Variants in SPAST observed in about 807,000 individuals in gnomAD.
SPAST encodes the protein spastin, also known as spastic paraplegia 4 (autosomal dominant; spastin).
A neutral mutation model predicts 76.6 loss-of-function variants in SPAST; 30 were observed. The observed-to-expected ratio is 0.39, with a 90% CI of 0.29 to 0.53. The LOEUF (loss-of-function observed/expected upper bound fraction) is 0.53. Ranked by LOEUF, SPAST falls within the 20% of genes least tolerant of loss-of-function variation. The pLI is 0.68. For missense variants in SPAST, 717 were observed against 770.5 expected, an observed-to-expected ratio of 0.93 and a Z score of 0.82; for synonymous variants, 305 against 281.0, an observed-to-expected ratio of 1.09 and a Z score of -0.86.
At chr2:32,096,731 TATTA>T (rs940999466) in intron 3 of SPAST, among the ~76,000 whole-genome samples, 7 of 152,076 alleles carry the variant, frequency 4.6e-5, no homozygotes, top group Non-Finnish European at 7.4e-5. Context: ...TTGAGGGGAG[TATTA>T]ATTCACATTT....
intron 7 of SPAST, among the ~76,000 whole-genome samples, chr2:32,120,820 G>T (rs533667733): frequency 6.6e-6 from 1 of 152,090 alleles, no homozygotes; most frequent in South Asian, 2.1e-4. Flanking sequence ...ACTGAGAAAA[G>T]GTTGTGTGAG....
chr2:32,088,635 A>G (rs1055268660), intron 2 of SPAST, among the ~76,000 whole-genome samples: 2 of 152,130 alleles, frequency 1.3e-5, no homozygotes, highest in African/African-American at 2.4e-5. Flanking sequence ...CAAGAGTGAA[A>G]CTCTGTCTCA....
intron 7 of SPAST, among the ~76,000 whole-genome samples, chr2:32,125,857 C>G (rs113900413): frequency 5.8e-4 from 88 of 152,136 alleles, no homozygotes; most frequent in African/African-American, 2.0e-3. Context: ...TGCAGTGGCG[C>G]AATCTTGGCT....
Position 32,136,538 on chromosome 2 carries a change from A to AT in SPAST, c.1246-24dup, listed in dbSNP as rs749096996. 4 of 1,538,474 alleles carry AT rather than the reference A, an allele frequency of 2.6e-6. No homozygotes were observed. In the South Asian group the frequency reaches 4.5e-5, roughly 17 times the overall value. On this transcript the variant is annotated intron_variant, in intron 9 of 16. Coordinates refer to ENST00000315285, the MANE Select transcript of SPAST (RefSeq NM_014946.4). ...TGGAATAATGTTGCATTTTATGTGT[A>AT]TAACAGTATAATGCTTTGTTTTAGG... is the stretch of plus-strand genomic sequence containing the variant.
intron 1 of SPAST, among the ~76,000 whole-genome samples, chr2:32,080,177 T>G (rs191331597): frequency 6.6e-6 from 1 of 152,248 alleles, no homozygotes; most frequent in Non-Finnish European, 1.5e-5. Flanking sequence ...TAATGACTTA[T>G]GATGCTCAGC....
Position 32,115,766 on chromosome 2 carries a change from A to C in SPAST, c.935A>C (p.Lys312Thr), listed in dbSNP as rs540279272. 2 of 1,611,458 alleles carry C rather than the reference A, an allele frequency of 1.2e-6. No homozygotes were observed. The highest frequency in any genetic ancestry group is 2.7e-5 in the African/African-American group (2 of 74,886). The change falls in exon 6 of 17, where the codon AAA (lysine) becomes ACA (threonine). Residue 312 changes from lysine to threonine, a missense_variant. Transcript: ENST00000315285. The stretch of plus-strand genomic sequence containing the variant: ...CCTACAACTGCTACTCGTAAGAAAA[A>C]AGACTTGAAGAATTTTAGGAATGTG... Reference protein sequence around the residue: ...STPTTATRKKKDLKNFRNVDS... With the variant: ...STPTTATRKKTDLKNFRNVDS...
chr2:32,099,621 A>G (rs1050406766), intron 4 of SPAST, among the ~76,000 whole-genome samples: 3 of 152,168 alleles, frequency 2.0e-5, no homozygotes, highest in Non-Finnish European at 2.9e-5. Context: ...AGATCAAGGT[A>G]ATTATCATTT....
chr2:32,064,119 G>C lies in SPAST; in HGVS notation c.288G>C (p.Ala96=). ...LMAAKRSSGA[A]PAPASASAPA... ...CAGCCAAGAGGAGCTCCGGGGCCGC[G>C]CCAGCACCTGCCTCGGCCTCGGCCC... Residue 96 remains alanine (A), a synonymous_variant, in exon 1 of 17, where the codon GCG becomes GCC. Transcript: ENST00000315285. 6.3e-7 allele frequency: 1 copy of C among 1,592,442 alleles called. No homozygotes were observed. The highest frequency in any genetic ancestry group is 8.5e-7 in the Non-Finnish European group (1 of 1,169,876).
At chr2:32,097,012 C>T (rs995232348) in intron 3 of SPAST, among the ~76,000 whole-genome samples, 1 of 152,068 alleles carries the variant, frequency 6.6e-6, no homozygotes, top group South Asian at 2.1e-4. Flanking sequence ...GTGGTTGTAC[C>T]GTAAACCAAG....
At position 32,089,587 on chromosome 2, in the gene SPAST, G is replaced by A; in HGVS notation, c.568G>A (p.Asp190Asn). Residue 190 changes from aspartate (D) to asparagine (N), a missense_variant, in exon 3 of 17, where the codon GAC becomes AAC. Physicochemically the swap from Asp to Asn is conservative, Grantham distance 23. Transcript: ENST00000315285. ...GATGACTAATTTGGTTATGGCCAAGGACCGCTTACAACTTCTAGGTATCAA... is the reference window on the plus strand; with the variant it reads ...GATGACTAATTTGGTTATGGCCAAGAACCGCTTACAACTTCTAGGTATCAA... ...KMMTNLVMAK[D>N]RLQLLEKMQP... The A allele has an allele frequency of 1.3e-6, 2 of 1,584,976 alleles. No individual in the cohort carries two copies. The highest frequency in any genetic ancestry group is 1.7e-6 in the Non-Finnish European group (2 of 1,153,682).
intron 7 of SPAST, among the ~76,000 whole-genome samples, chr2:32,126,092 A>C (rs1211852801): frequency 1.3e-5 from 2 of 152,102 alleles, no homozygotes; most frequent in Non-Finnish European, 2.9e-5. Context: ...ACTGTAAGCC[A>C]CCGTGCCCGG....
intron 4 of SPAST, among the ~76,000 whole-genome samples, chr2:32,107,844 A>G (rs1053618660): frequency 1.3e-5 from 2 of 152,154 alleles, no homozygotes; most frequent in African/African-American, 2.4e-5. Context: ...TAGATCACTC[A>G]GACCTATTAG....
Position 32,114,760 on chromosome 2 carries a change from T to TA in SPAST, c.806dup (p.Tyr269Ter). The TA allele has an allele frequency of 6.2e-7, 1 of 1,614,126 alleles. No homozygotes were observed. Among genetic ancestry groups the TA allele is most frequent in the Non-Finnish European group, 8.5e-7 (1 of 1,179,978 alleles). The change falls in exon 5 of 17, where the codon TAC becomes TAAC. Residue 269 changes from tyrosine (Y) to a stop codon, truncating the protein, a stop_gained and frameshift_variant. Coordinates refer to ENST00000315285, the MANE Select transcript of SPAST (RefSeq NM_014946.4). LOFTEE classifies it high-confidence loss of function. The stretch of plus-strand genomic sequence containing the variant: ...TTCAGGCCACCATAGAGCACCTAGT[T>TA]ACAGTGGTTTATCCATGGTTTCTGG... ...GLSGHHRAPS[Y>*]SGLSMVSGVK...
rs1037572037 is a variant in SPAST at position 32,128,431 on chromosome 2, G to A, written c.1197G>A (p.Ser399=). 24 of 1,612,248 alleles carry A rather than the reference G, an allele frequency of 1.5e-5. No individual in the cohort carries two copies. In the Admixed American group the frequency reaches 2.0e-4, roughly 13 times the overall value. The part of the protein sequence containing the change: ...TMLAKAVAAE[S]NATFFNISAA... Reference sequence around the variant, plus strand: ...AGGCTAAAGCAGTAGCTGCAGAATCGAATGCAACCTTCTTTAATATAAGTG... The same window carrying A: ...AGGCTAAAGCAGTAGCTGCAGAATCAAATGCAACCTTCTTTAATATAAGTG... Residue 399 remains serine, a synonymous_variant, in exon 9 of 17, where the codon TCG becomes TCA. Coordinates refer to ENST00000315285, the MANE Select transcript of SPAST (RefSeq NM_014946.4).
intron 1 of SPAST, among the ~76,000 whole-genome samples, chr2:32,084,381 G>T (rs991571851): frequency 2.7e-5 from 4 of 150,094 alleles, no homozygotes. Context: ...AGCCAGGATG[G>T]TCTCGATCTC....
intron 1 of SPAST, among the ~76,000 whole-genome samples, chr2:32,074,321 T>G (rs983082379): frequency 2.6e-5 from 4 of 152,140 alleles, no homozygotes; most frequent in African/African-American, 7.2e-5. Flanking sequence ...TAGACAGTGT[T>G]CAGTGTTCAT....
intron 9 of SPAST, among the ~76,000 whole-genome samples, chr2:32,134,693 G>C (rs959194855): frequency 3.9e-5 from 6 of 152,030 alleles, no homozygotes; most frequent in Non-Finnish European, 8.8e-5. Context: ...AGGGATTCTA[G>C]CCTAGCTTTT....
rs866022147 is a variant in SPAST, at chr2:32,091,905, G to A, written c.586+2300G>A. ...TGGGATTACAGGCATGAGCCACCACGCCCAGCTGAAGCTAATATTATTAGC... is the reference window on the plus strand; with the variant it reads ...TGGGATTACAGGCATGAGCCACCACACCCAGCTGAAGCTAATATTATTAGC... On this transcript the variant is annotated intron_variant, in intron 3 of 16. Coordinates refer to ENST00000315285, the MANE Select transcript of SPAST (RefSeq NM_014946.4). 3.3e-5 allele frequency among the ~76,000 whole-genome samples: 5 copies of A among 151,760 alleles called. No individual in the cohort carries two copies. The East Asian group carries it at 5.8e-4, about 18-fold the overall frequency.
At position 32,063,590 on chromosome 2, in the gene SPAST, G is replaced by A. The variant is rs905039881; in HGVS notation, c.-242G>A. On this transcript the variant is annotated 5_prime_UTR_variant, in exon 1 of 17. Coordinates refer to ENST00000315285, the MANE Select transcript of SPAST (RefSeq NM_014946.4). ...GCTGGGAGCCACCAGGCGGCGGAGA[G>A]GACAGCGACAGGAAGGGAGGGGCCC... 1.7e-5 allele frequency: 9 copies of A among 541,072 alleles called. No individual in the cohort carries two copies. Among genetic ancestry groups the A allele is most frequent in the Admixed American group, 7.3e-5 (2 of 27,454 alleles). 33.5% of individuals were successfully genotyped at this position (541,072 alleles called of 1,614,324 possible).
Sources: allele counts gnomAD v4.1 joint callset (sites outside exome capture counted in the v4.1 genomes callset), GRCh38; gene constraint gnomAD v4.1.1; transcripts MANE v1.5; gene names NCBI Gene and HGNC (gene_info 2026-07-23, HGNC 2026-07-21).